The following MLIP variants were observed in gnomAD, a reference collection of about 807,000 sequenced individuals.
MLIP encodes muscular LMNA interacting protein.
A neutral mutation model predicts 84.8 loss-of-function variants in MLIP; 79 were observed. The observed-to-expected ratio is 0.93, with a 90% CI of 0.78 to 1.12. The LOEUF is 1.12. Among genes scored for constraint, MLIP ranks in the 50% most tolerant of loss-of-function variants. MLIP has a pLI of 0.00. For missense variants in MLIP, 1,257 were observed against 1,160.6 expected (o/e 1.08, Z -1.21); for synonymous variants, 504 against 463.0 (o/e 1.09, Z -1.14).
chr6:54,208,324 G>A (rs1399109467), intron 11 of MLIP, among the ~76,000 whole-genome samples: 1 of 152,002 alleles, frequency 6.6e-6, no homozygotes, highest in African/African-American at 2.4e-5. Context: ...AGTGGCTCAC[G>A]CCTGTAATCC....
At chr6:54,185,216 G>A (rs1777269526) in intron 9 of MLIP, among the ~76,000 whole-genome samples, 1 of 152,074 alleles carries the variant, frequency 6.6e-6, no homozygotes, top group Non-Finnish European at 1.5e-5. Context: ...GGATGTAATT[G>A]GATTCATTGA....
chr6:54,257,621 T>C (rs1783097500), intron 13 of MLIP, among the ~76,000 whole-genome samples: 4 of 152,098 alleles, frequency 2.6e-5, no homozygotes, highest in Admixed American at 1.3e-4. Context: ...CCCAAGTGCC[T>C]GTCTTTGTGA....
At chr6:54,257,153 G>A (rs1434960529) in intron 12 of MLIP, among the ~76,000 whole-genome samples, 155 bp from the exon 13 acceptor site, 1 of 152,122 alleles carries the variant, frequency 6.6e-6, no homozygotes, top group African/African-American at 2.4e-5. Flanking sequence ...TTGTCTTTTA[G>A]TGACAATTGA....
chr6:54,054,148 A>G (rs1765516719), intron 1 of MLIP, among the ~76,000 whole-genome samples: 1 of 152,134 alleles, frequency 6.6e-6, no homozygotes, highest in Admixed American at 6.5e-5. Flanking sequence ...GCAACCCATT[A>G]AAAAGGCTCT....
chr6:54,241,972 A>G (rs116178971), intron 12 of MLIP, among the ~76,000 whole-genome samples: 245 of 152,328 alleles, frequency 1.6e-3, no homozygotes, highest in African/African-American at 5.5e-3. Context: ...TACCTAGCAA[A>G]ATGTATTCTG....
chr6:54,066,231 A>G (rs1323029736), intron 1 of MLIP, among the ~76,000 whole-genome samples: 3 of 100,354 alleles, frequency 3.0e-5, no homozygotes, highest in African/African-American at 7.6e-5. Flanking sequence ...AAACATTTCT[A>G]TGTATCAGGA....
chr6:54,132,406 C>A (rs1026863322), intron 3 of MLIP, among the ~76,000 whole-genome samples: 1 of 152,118 alleles, frequency 6.6e-6, no homozygotes, highest in African/African-American at 2.4e-5. Context: ...ATTCAGAGTA[C>A]ACAAGGAGAA....
At chr6:54,048,049 T>C (rs1162787754) in intron 1 of MLIP, among the ~76,000 whole-genome samples, 1 of 152,180 alleles carries the variant, frequency 6.6e-6, no homozygotes, top group African/African-American at 2.4e-5. Flanking sequence ...TGAGGAAGCT[T>C]AGCCCTGTAG....
At chr6:54,221,935 TA>T (rs1780249875) in intron 11 of MLIP, among the ~76,000 whole-genome samples, 1 of 152,064 alleles carries the variant, frequency 6.6e-6, no homozygotes, top group African/African-American at 2.4e-5. Context: ...TATAAATTAA[TA>T]ACAAAGTTAG....
In MLIP at chr6:54,179,034, CT is replaced by C. The variant is rs1260405074; in HGVS notation, c.2544+9463del. On this transcript the variant is annotated intron_variant, in intron 9 of 13. Transcript: ENST00000502396. ...TATTATTGCATTGAGGTCTATGTCTCTCTTTAGCTCTAATAGTATTTGCTTT... is the reference window on the plus strand; with the variant it reads ...TATTATTGCATTGAGGTCTATGTCTCCTTTAGCTCTAATAGTATTTGCTTT... 9.2e-5 allele frequency among the ~76,000 whole-genome samples: 14 copies of C among 152,144 alleles called. No individual in the cohort carries two copies. The South Asian group carries it at 1.2e-3, about 14-fold the overall frequency.
chr6:54,179,441 A>T lies in MLIP; in HGVS notation c.2544+9869A>T, dbSNP rs1776630819. On this transcript the variant is annotated intron_variant, in intron 9 of 13. Coordinates refer to ENST00000502396, the MANE Select transcript of MLIP (RefSeq NM_001281747.2). ...AGGGACTTACCCCTGCCCTTTTGTT[A>T]TTAGTTTTCTGGTTGTTTTGTGGTA... Among the ~76,000 whole-genome samples, 4 of 151,792 alleles carry T rather than the reference A, an allele frequency of 2.6e-5. No homozygotes were observed. The South Asian group carries it at 8.4e-4, about 32-fold the overall frequency.
chr6:54,101,030 G>A (rs1268979019), intron 1 of MLIP, among the ~76,000 whole-genome samples: 1 of 151,992 alleles, frequency 6.6e-6, no homozygotes, highest in African/African-American at 2.4e-5. Flanking sequence ...CAACACTTTG[G>A]TCTAAATGGT....
intron 4 of MLIP, among the ~76,000 whole-genome samples, chr6:54,139,191 A>G (rs958963040): frequency 2.0e-5 from 3 of 152,154 alleles, no homozygotes. Context: ...GAATAATTCA[A>G]TTTTAATCAG....
At chr6:54,217,515 A>G (rs1450005588) in intron 11 of MLIP, 5 of 985,224 alleles carry the variant, frequency 5.1e-6, no homozygotes, top group Non-Finnish European at 6.0e-6. Flanking sequence ...TATTCACTGC[A>G]TATTTGTCTG....
chr6:54,074,841 C>G (rs1406042798), intron 1 of MLIP, among the ~76,000 whole-genome samples: 2 of 152,132 alleles, frequency 1.3e-5, no homozygotes, highest in Non-Finnish European at 2.9e-5. Flanking sequence ...ATGCGAAACA[C>G]CTGGTACACT....
At chr6:54,149,632 C>A (rs1773228125) in intron 5 of MLIP, among the ~76,000 whole-genome samples, 1 of 152,030 alleles carries the variant, frequency 6.6e-6, no homozygotes, top group Non-Finnish European at 1.5e-5. Flanking sequence ...TCATAGATTC[C>A]ATTGTGGACT....
chr6:54,042,040 T>C (rs957440952), intron 1 of MLIP, among the ~76,000 whole-genome samples: 55 of 152,088 alleles, frequency 3.6e-4, no homozygotes. Flanking sequence ...CTAATTCATA[T>C]AGGGTTTGTG....
intron 1 of MLIP, chr6:54,083,426 A>G: frequency 6.7e-7 from 1 of 1,485,022 alleles, no homozygotes; most frequent in Non-Finnish European, 8.9e-7. Context: ...GAAGGAGGGC[A>G]TAATTTGTAC....
Position 54,257,336 on chromosome 6 carries a change from A to G in MLIP, c.2951A>G (p.Glu984Gly). Residue 984 changes from glutamate to glycine, a missense_variant, in exon 13 of 14, where the codon GAA (glutamate) becomes GGA (glycine). Physicochemically the swap from Glu to Gly is moderately conservative, Grantham distance 98. Coordinates refer to ENST00000502396, the MANE Select transcript of MLIP (RefSeq NM_001281747.2). ...KLSHPMVAIP[E>G]HEALDSKEQ Reference sequence around the variant, plus strand: ...AGTCATCCAATGGTGGCTATTCCTGAACATGAAGCTCTTGATTCCAAAGAG... The same window carrying G: ...AGTCATCCAATGGTGGCTATTCCTGGACATGAAGCTCTTGATTCCAAAGAG... 6.2e-7 allele frequency: 1 copy of G among 1,612,584 alleles called. No homozygotes were observed.
Sources: gnomAD v4.1 joint callset for allele counts (sites outside exome capture counted in the v4.1 genomes callset) on GRCh38, gnomAD v4.1.1 for gene constraint, MANE v1.5 for transcripts, NCBI Gene and HGNC (gene_info 2026-07-23, HGNC 2026-07-21) for gene names.